DNAI7: variants seen among roughly 807,000 people sequenced by gnomAD.
The protein encoded by DNAI7 is cancer susceptibility 1.
Under a neutral mutation model 86.6 loss-of-function variants are expected in DNAI7, and 78 were observed. The observed-to-expected ratio is 0.90, with a 90% CI of 0.75 to 1.09. The LOEUF (loss-of-function observed/expected upper bound fraction) is 1.09. Among genes scored for constraint, DNAI7 ranks in the 50% least tolerant of loss-of-function variants. The pLI is 0.00. For missense variants in DNAI7, 753 were observed against 810.2 expected, an observed-to-expected ratio of 0.93 and a Z score of 0.86; for synonymous variants, 274 against 273.0, an observed-to-expected ratio of 1.00 and a Z score of -0.04.
chr12:25,162,145 GCTGAATGGGCA>G (rs1460074317), intron 2 of DNAI7, among the ~76,000 whole-genome samples: 2 of 152,090 alleles, frequency 1.3e-5, no homozygotes, highest in African/African-American at 4.8e-5. Flanking sequence ...AAGATAGGGA[GCTGAATGGGCA>G]CTGGATGGGC....
chr12:25,119,415 A>G (rs1389781043), intron 11 of DNAI7, 114 bp from the exon 12 acceptor site: 2 of 566,570 alleles, frequency 3.5e-6, no homozygotes, highest in South Asian at 3.5e-5. Context: ...GTTTGATCCT[A>G]TTTATATATA....
At position 25,154,319 on chromosome 12, in the gene DNAI7, A is replaced by G; in HGVS notation, c.438T>C (p.Asn146=). ...EVIEKSKVVL[N]LIEKLKFILL... ...TATAGGAAAATGCATAAATACCTAC[A>G]TTTAGCACTACTTTACTCTTCTCAA... is the stretch of plus-strand genomic sequence containing the variant. Residue 146 remains asparagine (N), a splice_region_variant and synonymous_variant, in exon 6 of 16, where the codon AAT becomes AAC. Transcript: ENST00000395987. The G allele has an allele frequency of 6.3e-7, 1 of 1,594,726 alleles. No individual in the cohort carries two copies. Among genetic ancestry groups the G allele is most frequent in the African/African-American group, 1.4e-5 (1 of 73,866 alleles).
chr12:25,117,209 C>T (rs1165104345), intron 12 of DNAI7, among the ~76,000 whole-genome samples: 1 of 152,180 alleles, frequency 6.6e-6, no homozygotes. Context: ...GCTGGGATTA[C>T]AGGCATGAGC....
At chr12:25,181,666 C>G (rs139705379) in intron 2 of DNAI7, among the ~76,000 whole-genome samples, 1 of 151,284 alleles carries the variant, frequency 6.6e-6, no homozygotes, top group Non-Finnish European at 1.5e-5. Context: ...TACCCAGAAT[C>G]GATAAGGAAC....
intron 10 of DNAI7, among the ~76,000 whole-genome samples, chr12:25,122,851 A>C (rs915794194): frequency 2.6e-5 from 4 of 152,234 alleles, no homozygotes; most frequent in African/African-American, 9.6e-5. Flanking sequence ...GGATGGAATT[A>C]TACAACTACT....
chr12:25,180,025 C>T (rs1032522899), intron 2 of DNAI7, among the ~76,000 whole-genome samples: 3 of 152,164 alleles, frequency 2.0e-5, no homozygotes, highest in African/African-American at 7.2e-5. Flanking sequence ...ACAACATGAT[C>T]CTATGCCTAG....
In DNAI7 at chr12:25,147,163, AG is replaced by A. The variant is rs1470989402; in HGVS notation, c.586-60del. 8.3e-6 allele frequency: 7 copies of A among 844,626 alleles called. No individual in the cohort carries two copies. In the Admixed American group the frequency reaches 1.3e-4, roughly 15 times the overall value. The allele number at this position is 844,626 out of a possible 1,614,324, so 52.3% of individuals were successfully genotyped here. On this transcript the variant is annotated intron_variant, in intron 7 of 15. Transcript: ENST00000395987. ...ACAGGCCTCATAAATTATACAAATT[AG>A]ATAAGTTACTTTATCACTTATGTGT...
chr12:25,118,423 C>G (rs2140423604), intron 12 of DNAI7, among the ~76,000 whole-genome samples: 1 of 152,070 alleles, frequency 6.6e-6, no homozygotes, highest in South Asian at 2.1e-4. Flanking sequence ...GCCACCACGC[C>G]CCGCTCATTT....
At chr12:25,187,618 CTTGA>C (rs1310158201) in intron 2 of DNAI7, among the ~76,000 whole-genome samples, 1 of 152,028 alleles carries the variant, frequency 6.6e-6, no homozygotes, top group Non-Finnish European at 1.5e-5. Context: ...TCATTCCTGC[CTTGA>C]TTGTGATAGC....
chr12:25,108,003 A>G (rs1042189943), downstream of DNAI7: 1 of 1,614,074 alleles, frequency 6.2e-7, no homozygotes, highest in Non-Finnish European at 8.5e-7. Context: ...GGACGTCTCT[A>G]GAACATATCT....
chr12:25,168,175 T>C (rs917397220), intron 2 of DNAI7, among the ~76,000 whole-genome samples: 1 of 152,180 alleles, frequency 6.6e-6, no homozygotes, highest in African/African-American at 2.4e-5. Flanking sequence ...CTCCTTCTCA[T>C]CTTTTTAGTT....
intron 8 of DNAI7, 75 bp from the exon 9 acceptor site, chr12:25,144,752 G>A: frequency 2.7e-6 from 3 of 1,100,340 alleles, no homozygotes; most frequent in Non-Finnish European, 3.9e-6. Flanking sequence ...TTATACCTAA[G>A]CAGTATTTCT....
chr12:25,142,614 T>C (rs1464226974), intron 9 of DNAI7, among the ~76,000 whole-genome samples: 2 of 152,192 alleles, frequency 1.3e-5, no homozygotes, highest in African/African-American at 2.4e-5. Flanking sequence ...ATGCAAGTAA[T>C]AGTTCAAATT....
chr12:25,162,902 A>G (rs1383345541), intron 2 of DNAI7, among the ~76,000 whole-genome samples: 6 of 152,312 alleles, frequency 3.9e-5, no homozygotes, highest in Non-Finnish European at 7.3e-5. Flanking sequence ...GCTCAAATTT[A>G]TCAACATAAT....
chr12:25,112,145 CTT>C (rs1045053751), intron 13 of DNAI7, among the ~76,000 whole-genome samples: 2 of 152,124 alleles, frequency 1.3e-5, no homozygotes, highest in African/African-American at 4.8e-5. Context: ...TTTACTAACT[CTT>C]TTTGGGCTTC....
In DNAI7 at chr12:25,114,874, T is replaced by C. The variant is rs1939754755; in HGVS notation, c.1397-4A>G. The C allele has an allele frequency of 6.3e-7, 1 of 1,595,280 alleles. No individual in the cohort carries two copies. On this transcript the variant is annotated splice_region_variant and splice_polypyrimidine_tract_variant and intron_variant, in intron 12 of 15. Coordinates refer to ENST00000395987, the MANE Select transcript of DNAI7 (RefSeq NM_018272.5). The stretch of plus-strand genomic sequence containing the variant: ...CCATCAGTTCTCCAATGTTTACCTT[T>C]ATAATTGATGAAGAAAGTGACACTA...
At chr12:25,130,186 T>C (rs563849279) in intron 9 of DNAI7, among the ~76,000 whole-genome samples, 1 of 152,334 alleles carries the variant, frequency 6.6e-6, no homozygotes, top group East Asian at 1.9e-4. Context: ...GTTGAATCCC[T>C]TATCAATAGC....
At chr12:25,156,057 T>G (rs1051754936) in intron 4 of DNAI7, among the ~76,000 whole-genome samples, 1 of 151,148 alleles carries the variant, frequency 6.6e-6, no homozygotes. Flanking sequence ...TAACCCAAGA[T>G]CGCGCAACCG....
At chr12:25,166,438 C>T (rs1017695470) in intron 2 of DNAI7, among the ~76,000 whole-genome samples, 14 of 152,142 alleles carry the variant, frequency 9.2e-5, no homozygotes, top group Admixed American at 8.5e-4. Flanking sequence ...TCATCCCAGC[C>T]TCTCTTCGCT....
Sources: allele counts gnomAD v4.1 joint callset (sites outside exome capture counted in the v4.1 genomes callset), GRCh38; gene constraint gnomAD v4.1.1; transcripts MANE v1.5; gene names NCBI Gene and HGNC (gene_info 2026-07-23, HGNC 2026-07-21).